PMP2: variants seen among roughly 807,000 people sequenced by gnomAD.
PMP2 encodes the protein myelin P2 protein.
PMP2 carries 11 observed loss-of-function variants against 15.9 expected under a neutral mutation model. That is an observed-to-expected ratio of 0.69 (90% CI 0.44 to 1.14). The LOEUF (loss-of-function observed/expected upper bound fraction) is 1.14, where lower values mean the gene tolerates loss of function less well. Among genes scored for constraint, PMP2 ranks in the 50% most tolerant of loss-of-function variants. The pLI, the probability that PMP2 is intolerant of heterozygous loss-of-function variation, is 0.00. For synonymous variants in PMP2, 55 were observed against 54.1 expected (o/e 1.02, Z -0.07); for missense variants, 151 against 154.0 (o/e 0.98, Z 0.10).
Position 81,443,564 on chromosome 8 carries a change from A to G in PMP2, c.349-116T>C, listed in dbSNP as rs1007095185. On this transcript the variant is annotated intron_variant, in intron 3 of 3. Coordinates refer to ENST00000256103, the MANE Select transcript of PMP2 (RefSeq NM_002677.5). The stretch of plus-strand genomic sequence containing the variant: ...TAAGATTAATTTAGAAAGGAATAAA[A>G]TATCAGTATGTCAGTCTCCAGTAAT... The G allele has an allele frequency of 4.8e-6, 3 of 619,722 alleles. No individual in the cohort carries two copies. In the Admixed American group the frequency reaches 8.4e-5, roughly 17 times the overall value. The allele number at this position is 619,722 out of a possible 1,614,324, so 38.4% of individuals were successfully genotyped here. A position where few individuals can be genotyped will look rare whatever the true frequency, so the allele number is the denominator to read the frequency against.
At chr8:81,443,825 T>C (rs1807397727) in intron 3 of PMP2, among the ~76,000 whole-genome samples, 1 of 152,166 alleles carries the variant, frequency 6.6e-6, no homozygotes, top group South Asian at 2.1e-4. Context: ...GAGGCCTCCA[T>C]ATTGGTATTT....
rs781228516 is a variant in PMP2, at chr8:81,443,370, A to G, written c.*28T>C. On this transcript the variant is annotated 3_prime_UTR_variant, in exon 4 of 4. Transcript: ENST00000256103. Reference sequence around the variant, plus strand: ...ATTGATTTCCATCATTAAATGATAAAAAGCCACTTCAATGAAGAAATGATT... The same window carrying G: ...ATTGATTTCCATCATTAAATGATAAGAAGCCACTTCAATGAAGAAATGATT... The G allele has an allele frequency of 3.4e-5, 51 of 1,499,102 alleles. No homozygotes were observed. The highest frequency in any genetic ancestry group is 4.4e-5 in the Non-Finnish European group (48 of 1,088,712). The allele number at this position is 1,499,102 out of a possible 1,614,324, so 92.9% of individuals were successfully genotyped here.
chr8:81,445,225 T>C (rs1234314453), intron 1 of PMP2, among the ~76,000 whole-genome samples: 1 of 152,058 alleles, frequency 6.6e-6, no homozygotes, highest in Non-Finnish European at 1.5e-5. Context: ...TTTTTTTTTT[T>C]CTTTTTCTTT....
At chr8:81,443,841 C>T (rs1039952388) in intron 3 of PMP2, among the ~76,000 whole-genome samples, 2 of 151,976 alleles carry the variant, frequency 1.3e-5, no homozygotes, top group Admixed American at 1.3e-4. Flanking sequence ...TATTTACTCC[C>T]CAAGTAAATC....
At chr8:81,446,881 T>C (rs1807458083) in intron 1 of PMP2, among the ~76,000 whole-genome samples, 1 of 152,204 alleles carries the variant, frequency 6.6e-6, no homozygotes, top group Non-Finnish European at 1.5e-5. Context: ...AAACTGTTAG[T>C]TTAGCTAAAA....
At chr8:81,446,907 T>A (rs563614734) in intron 1 of PMP2, among the ~76,000 whole-genome samples, 37 of 152,326 alleles carry the variant, frequency 2.4e-4, no homozygotes, top group Non-Finnish European at 4.6e-4. Flanking sequence ...ATTTTTAAAT[T>A]GAGATTTTCT....
Position 81,442,703 on chromosome 8 carries a change from AG to A in PMP2, c.*694del, listed in dbSNP as rs1040342187. On this transcript the variant is annotated 3_prime_UTR_variant, in exon 4 of 4. Transcript: ENST00000256103. The stretch of plus-strand genomic sequence containing the variant: ...AACCAAACCACTACTTGCTTTTGGT[AG>A]GGGTGGAACAGAAAAGGACACTGAT... 3.9e-5 allele frequency: 6 copies of A among 152,084 alleles called. No homozygotes were observed. Among genetic ancestry groups the A allele is most frequent in the African/African-American group, 1.4e-4 (6 of 41,438 alleles). 9.4% of individuals were successfully genotyped at this position (152,084 alleles called of 1,614,324 possible). A position where few individuals can be genotyped will look rare whatever the true frequency, so the allele number is the denominator to read the frequency against.
chr8:81,442,752 T>C lies in PMP2; in HGVS notation c.*646A>G, dbSNP rs1464406216. ...GATTGGGAAGGGACAGAAAAAAATG[T>C]ACTAGGATTAAGAAAATGTTTTGTG... is the stretch of plus-strand genomic sequence containing the variant. On this transcript the variant is annotated 3_prime_UTR_variant, in exon 4 of 4. Transcript: ENST00000256103. 1 of 152,110 alleles carries C rather than the reference T, an allele frequency of 6.6e-6. No homozygotes were observed. Among genetic ancestry groups the C allele is most frequent in the Non-Finnish European group, 1.5e-5 (1 of 67,958 alleles). The allele number at this position is 152,110 out of a possible 1,614,324, so 9.4% of individuals were successfully genotyped here.
chr8:81,447,101 A>C (rs1334319183), intron 1 of PMP2, among the ~76,000 whole-genome samples: 2 of 152,222 alleles, frequency 1.3e-5, no homozygotes, highest in African/African-American at 4.8e-5. Context: ...GCATTTAAGC[A>C]GCTCTCTCAT....
intron 3 of PMP2, 141 bp downstream of exon 3, chr8:81,444,359 T>G (rs1807406191): frequency 1.8e-6 from 1 of 569,572 alleles, no homozygotes; most frequent in South Asian, 3.2e-5. Context: ...AGTTTAAATA[T>G]CACTGAAGCA....
intron 1 of PMP2, among the ~76,000 whole-genome samples, chr8:81,446,525 C>G (rs761703686): frequency 1.3e-5 from 2 of 152,210 alleles, no homozygotes; most frequent in Non-Finnish European, 2.9e-5. Context: ...GCACAGCAAA[C>G]TCGGGTCACT....
chr8:81,444,448 C>A, intron 3 of PMP2, 52 bp downstream of exon 3: 2 of 1,098,220 alleles, frequency 1.8e-6, no homozygotes, highest in South Asian at 2.9e-5. Context: ...ACAATATAAT[C>A]AAATTATTTA....
At chr8:81,446,863 G>A (rs1807456806) in intron 1 of PMP2, among the ~76,000 whole-genome samples, 1 of 152,176 alleles carries the variant, frequency 6.6e-6, no homozygotes, top group Non-Finnish European at 1.5e-5. Context: ...CCTAGAGGTA[G>A]AGAGAAAAAA....
At position 81,444,974 on chromosome 8, in the gene PMP2, G is replaced by A. The variant is rs752607978; in HGVS notation, c.89C>T (p.Thr30Ile). ...YMKALGVGLA[T>I]RKLGNLAKPT... ...TTTGGCCAAATTTCCCAGTTTTCTG[G>A]TGGCTAACCCCACACCTGAAAATTA... Residue 30 changes from threonine (T) to isoleucine (I), a missense_variant, in exon 2 of 4, where the codon ACC (threonine) becomes ATC (isoleucine). Thr to Ile is a moderately conservative substitution (Grantham distance 89). Transcript: ENST00000256103. 11 of 1,613,278 alleles carry A rather than the reference G, an allele frequency of 6.8e-6. No individual in the cohort carries two copies. In the South Asian group the frequency reaches 9.9e-5, roughly 15 times the overall value.
Position 81,441,952 on chromosome 8 carries a change from A to G in PMP2, c.*1446T>C, listed in dbSNP as rs962902207. ...ACACGAAGATCTGAGTGCTAGGTAT[A>G]TTCATTTCTGCTGAGGTGTTTTTGT... On this transcript the variant is annotated 3_prime_UTR_variant, in exon 4 of 4. Transcript: ENST00000256103. The G allele has an allele frequency of 3.3e-5, 5 of 152,032 alleles. No individual in the cohort carries two copies. Among genetic ancestry groups the G allele is most frequent in the Admixed American group, 2.0e-4 (3 of 15,258 alleles). 9.4% of individuals were successfully genotyped at this position (152,032 alleles called of 1,614,324 possible). A position where few individuals can be genotyped will look rare whatever the true frequency, so the allele number is the denominator to read the frequency against.
chr8:81,446,542 A>T (rs984440981), intron 1 of PMP2, among the ~76,000 whole-genome samples: 2 of 152,084 alleles, frequency 1.3e-5, no homozygotes, highest in African/African-American at 4.8e-5. Context: ...CACTGGCATC[A>T]CTCTTTATTG....
rs1288759755 is a variant in PMP2, at chr8:81,441,969, T to C, written c.*1429A>G. On this transcript the variant is annotated 3_prime_UTR_variant, in exon 4 of 4. Coordinates refer to ENST00000256103, the MANE Select transcript of PMP2 (RefSeq NM_002677.5). ...CTAGGTATATTCATTTCTGCTGAGG[T>C]GTTTTTGTGTCTAAGCCATTTTGGC... The C allele has an allele frequency of 6.6e-6, 1 of 152,034 alleles. No homozygotes were observed. Among genetic ancestry groups the C allele is most frequent in the Non-Finnish European group, 1.5e-5 (1 of 67,928 alleles). 9.4% of individuals were successfully genotyped at this position (152,034 alleles called of 1,614,324 possible).
At chr8:81,445,564 T>C (rs1483380415) in intron 1 of PMP2, among the ~76,000 whole-genome samples, 2 of 152,184 alleles carry the variant, frequency 1.3e-5, no homozygotes, top group Non-Finnish European at 2.9e-5. Context: ...CCAGCTGAAA[T>C]AGCTACTGCA....
intron 3 of PMP2, among the ~76,000 whole-genome samples, chr8:81,443,683 A>T (rs1363036421): frequency 6.6e-6 from 1 of 152,182 alleles, no homozygotes; most frequent in Non-Finnish European, 1.5e-5. Flanking sequence ...TTTTATGTAT[A>T]GTTCACTTGC....
Sources: allele counts gnomAD v4.1 joint callset (sites outside exome capture counted in the v4.1 genomes callset), GRCh38; gene constraint gnomAD v4.1.1; transcripts MANE v1.5; gene names NCBI Gene and HGNC (gene_info 2026-07-23, HGNC 2026-07-21).